The following BNC2 variants were observed in gnomAD, a reference collection of about 807,000 sequenced individuals.
The protein encoded by BNC2 is zinc finger protein basonuclin-2.
In BNC2, 20 loss-of-function variants were observed where a neutral mutation model predicts 76.3. The observed-to-expected ratio is 0.26, with a 90% CI of 0.18 to 0.38. The LOEUF is 0.38. Ranked by LOEUF, BNC2 falls within the 10% of genes least tolerant of loss-of-function variation. The pLI, the probability that BNC2 is intolerant of heterozygous loss-of-function variation, is 1.00. For missense variants in BNC2, 1,382 were observed against 1,399.8 expected (o/e 0.99, Z 0.20); for synonymous variants, 582 against 514.8 (o/e 1.13, Z -1.77).
intron 1 of BNC2, 75 bp downstream of exon 1, chr9:16,870,571 C>G (rs1206748103): frequency 3.2e-6 from 5 of 1,569,332 alleles, no homozygotes; most frequent in East Asian, 2.3e-5. Context: ...CGGGCGGCCC[C>G]GGTGGCGCTC....
chr9:16,508,524 A>G (rs529967715), intron 5 of BNC2, among the ~76,000 whole-genome samples: 171 of 152,356 alleles, frequency 1.1e-3, no homozygotes, highest in African/African-American at 3.8e-3. Flanking sequence ...TGGCATGTAC[A>G]TGTTGGCTTG....
chr9:16,702,034 A>C (rs566998699), intron 3 of BNC2, among the ~76,000 whole-genome samples: 1 of 152,190 alleles, frequency 6.6e-6, no homozygotes, highest in Non-Finnish European at 1.5e-5. Flanking sequence ...CTGGGCTAAA[A>C]AACAATAAAA....
chr9:16,708,330 GGTGAAA>G (rs1823737759), intron 3 of BNC2, among the ~76,000 whole-genome samples: 1 of 152,206 alleles, frequency 6.6e-6, no homozygotes, highest in East Asian at 1.9e-4. Flanking sequence ...AAGCAAAATA[GGTGAAA>G]GTTTTCTCAT....
rs1193019556 is a variant in BNC2, at chr9:16,436,988, G to A, written c.1206C>T (p.Val402=). 1.2e-6 allele frequency: 2 copies of A among 1,614,148 alleles called. No homozygotes were observed. Among genetic ancestry groups the A allele is most frequent in the South Asian group, 1.1e-5 (1 of 91,084 alleles). The change falls in exon 6 of 7, where the codon GTC becomes GTT. Residue 402 remains valine, a synonymous_variant. Transcript: ENST00000380672. ...CTGGGGCAGAATTCTGAATGGGAGA[G>A]ACACAGGCTGGCTCGGTTTTGGGCT... is the stretch of plus-strand genomic sequence containing the variant. ...NVEPKTEPAC[V]SPIQNSAPVS...
chr9:16,657,232 C>G (rs1163872495), intron 3 of BNC2, among the ~76,000 whole-genome samples: 1 of 151,916 alleles, frequency 6.6e-6, no homozygotes, highest in East Asian at 1.9e-4. Context: ...TATAGAATAC[C>G]TGGAAAAGAT....
chr9:16,718,894 C>T (rs766981024), intron 3 of BNC2, among the ~76,000 whole-genome samples: 3 of 152,234 alleles, frequency 2.0e-5, no homozygotes, highest in Non-Finnish European at 2.9e-5. Context: ...TGCATGTCTA[C>T]GCATTACATA....
chr9:16,506,419 C>A (rs556417244), intron 5 of BNC2, among the ~76,000 whole-genome samples: 1 of 149,354 alleles, frequency 6.7e-6, no homozygotes, highest in South Asian at 2.1e-4. Context: ...CTAAATAGGT[C>A]TCATGATTTT....
chr9:16,780,126 C>A (rs1258537733), intron 1 of BNC2, among the ~76,000 whole-genome samples: 2 of 147,708 alleles, frequency 1.4e-5, no homozygotes, highest in Non-Finnish European at 3.0e-5. Flanking sequence ...GTCCCAGCTA[C>A]TAGGGAGGCT....
At chr9:16,426,335 T>TG (rs1445887329) in intron 6 of BNC2, among the ~76,000 whole-genome samples, 1 of 151,830 alleles carries the variant, frequency 6.6e-6, no homozygotes, top group East Asian at 1.9e-4. Context: ...CTTTTTTTTT[T>TG]TTTTTTGTCA....
chr9:16,526,985 A>G (rs762368043), intron 5 of BNC2, among the ~76,000 whole-genome samples: 11 of 152,248 alleles, frequency 7.2e-5, no homozygotes, highest in Non-Finnish European at 1.6e-4. Context: ...GTTTCCTGAA[A>G]AAGTGATGGC....
chr9:16,724,807 A>G (rs1233772228), intron 3 of BNC2, among the ~76,000 whole-genome samples: 1 of 152,098 alleles, frequency 6.6e-6, no homozygotes, highest in Non-Finnish European at 1.5e-5. Flanking sequence ...ATTCATGGAC[A>G]TTTCCCACAA....
At chr9:16,547,698 C>A (rs900656445) in intron 5 of BNC2, among the ~76,000 whole-genome samples, 2 of 152,170 alleles carry the variant, frequency 1.3e-5, no homozygotes, top group Non-Finnish European at 2.9e-5. Flanking sequence ...CGCAGAGACA[C>A]AAGTAAGGTA....
chr9:16,717,514 T>A (rs145094744), intron 3 of BNC2, among the ~76,000 whole-genome samples: 278 of 152,352 alleles, frequency 1.8e-3, no homozygotes, highest in Middle Eastern at 6.8e-3. Flanking sequence ...CCTACCATGA[T>A]GTGATGACCA....
chr9:16,492,129 T>C (rs1327892474), intron 5 of BNC2, among the ~76,000 whole-genome samples: 2 of 151,932 alleles, frequency 1.3e-5, no homozygotes, highest in Non-Finnish European at 2.9e-5. Context: ...CTGACAATGT[T>C]TTTTTCTTTT....
intron 5 of BNC2, among the ~76,000 whole-genome samples, chr9:16,539,768 A>AGAAAGGAAAGGAAAGGAAAG (rs762781150): frequency 6.1e-4 from 36 of 58,932 alleles, no homozygotes; most frequent in African/African-American, 1.1e-3. Flanking sequence ...GGAAAGGAAA[A>AGAAAGGAAAGGAAAGGAAAG]GAAAGGAAAG....
At chr9:16,607,775 C>T (rs1331164732) in intron 3 of BNC2, among the ~76,000 whole-genome samples, 1 of 152,140 alleles carries the variant, frequency 6.6e-6, no homozygotes, top group East Asian at 1.9e-4. Flanking sequence ...AGATGGAAGG[C>T]CCCTTAATAC....
intron 5 of BNC2, among the ~76,000 whole-genome samples, chr9:16,477,188 T>C (rs2131451555): frequency 6.6e-6 from 1 of 152,302 alleles, no homozygotes; most frequent in Admixed American, 6.5e-5. Context: ...GGCCAGGAGC[T>C]GGAGGTTCCC....
intron 3 of BNC2, among the ~76,000 whole-genome samples, chr9:16,722,724 T>C (rs1045019731): frequency 6.6e-6 from 1 of 152,320 alleles, no homozygotes; most frequent in Non-Finnish European, 1.5e-5. Flanking sequence ...ATATACAAAA[T>C]ACACACCTGA....
At chr9:16,806,199 G>C (rs951008198) in intron 1 of BNC2, among the ~76,000 whole-genome samples, 7 of 152,114 alleles carry the variant, frequency 4.6e-5, no homozygotes, top group African/African-American at 1.7e-4. Flanking sequence ...AAATAGGCCA[G>C]GCACAGTAGC....
Sources: allele counts gnomAD v4.1 joint callset (sites outside exome capture counted in the v4.1 genomes callset), GRCh38; gene constraint gnomAD v4.1.1; transcripts MANE v1.5; gene names NCBI Gene and HGNC (gene_info 2026-07-23, HGNC 2026-07-21).